The following MACROD2 variants were observed in gnomAD, a reference collection of about 807,000 sequenced individuals.
MACROD2 encodes mono-ADP ribosylhydrolase 2.
MACROD2 carries 36 observed loss-of-function variants against 70.4 expected under a neutral mutation model. That is an observed-to-expected ratio of 0.51 (90% CI 0.39 to 0.68). The LOEUF (loss-of-function observed/expected upper bound fraction) is 0.68, where lower values mean the gene tolerates loss of function less well. Ranked by LOEUF, MACROD2 falls within the 30% of genes least tolerant of loss-of-function variation. The pLI is 0.00. For synonymous variants in MACROD2, 172 were observed against 178.8 expected (o/e 0.96, Z 0.30); for missense variants, 496 against 538.4 (o/e 0.92, Z 0.78).
intron 5 of MACROD2, among the ~76,000 whole-genome samples, chr20:15,123,349 T>C (rs529124665): frequency 6.6e-6 from 1 of 152,258 alleles, no homozygotes; most frequent in South Asian, 2.1e-4. Context: ...CATCAACACT[T>C]GCCCAAGACC....
chr20:15,487,947 A>G (rs1415569752), intron 7 of MACROD2, among the ~76,000 whole-genome samples: 1 of 152,150 alleles, frequency 6.6e-6, no homozygotes, highest in Non-Finnish European at 1.5e-5. Flanking sequence ...CCTCTGGAGA[A>G]TCATGCACCT....
At position 16,031,213 on chromosome 20, in the gene MACROD2, CA is replaced by C. The variant is rs2067147250; in HGVS notation, c.1154-9984del. On this transcript the variant is annotated intron_variant, in intron 15 of 17. Transcript: ENST00000684519. ...ATTGGTAAAATATAAAAACAGATGA[CA>C]AAAGACAGGGAGGAGGAAGAAAAGA... Among the ~76,000 whole-genome samples the C allele has an allele frequency of 5.3e-5, 8 of 151,744 alleles. No individual in the cohort carries two copies. In the South Asian group the frequency reaches 1.2e-3, roughly 24 times the overall value.
At chr20:15,706,145 T>TTA (rs2146905785) in intron 8 of MACROD2, among the ~76,000 whole-genome samples, 1 of 152,358 alleles carries the variant, frequency 6.6e-6, no homozygotes, top group South Asian at 2.1e-4. Context: ...ATAAGGATAC[T>TTA]TATCTCGTTT....
intron 7 of MACROD2, among the ~76,000 whole-genome samples, chr20:15,467,854 C>T (rs1452388411): frequency 6.6e-6 from 1 of 152,144 alleles, no homozygotes; most frequent in Non-Finnish European, 1.5e-5. Context: ...CCTCTGAGAA[C>T]AGCAGACTGC....
intron 5 of MACROD2, among the ~76,000 whole-genome samples, chr20:14,937,680 T>A (rs1185608208): frequency 6.6e-6 from 1 of 152,178 alleles, no homozygotes; most frequent in Non-Finnish European, 1.5e-5. Flanking sequence ...GTCTTTTTAA[T>A]GCTAGAAACA....
Position 14,985,468 on chromosome 20 carries a change from G to A in MACROD2, c.419-244472G>A, listed in dbSNP as rs1044352006. ...GGCCTCCCTTTGATTCAAGCAGTGG[G>A]GTGTGTAGAGGAAGCTCTGCATCCA... is the stretch of plus-strand genomic sequence containing the variant. On this transcript the variant is annotated intron_variant, in intron 5 of 17. Coordinates refer to ENST00000684519, the MANE Select transcript of MACROD2 (RefSeq NM_001351661.2). Among the ~76,000 whole-genome samples, 3 of 152,074 alleles carry A rather than the reference G, an allele frequency of 2.0e-5. No homozygotes were observed. The South Asian group carries it at 6.2e-4, about 32-fold the overall frequency.
intron 8 of MACROD2, among the ~76,000 whole-genome samples, chr20:15,789,911 C>T (rs956374339): frequency 2.0e-5 from 3 of 151,804 alleles, no homozygotes; most frequent in Non-Finnish European, 2.9e-5. Flanking sequence ...AGATGAAACT[C>T]GTTGATGAAT....
Position 14,467,699 on chromosome 20 carries a change from T to C in MACROD2, c.272-25780T>C, listed in dbSNP as rs148336143. ...CCTTCTCTAGTTCTTTTAATAGTGA[T>C]GTTAGGATGTTGATTTTAGATCTTT... On this transcript the variant is annotated intron_variant, in intron 3 of 17. Transcript: ENST00000684519. Among the ~76,000 whole-genome samples, 806 of 152,198 alleles carry C rather than the reference T, an allele frequency of 5.3e-3. 19 individuals are homozygous for C. The highest frequency in any genetic ancestry group is 0.044 in the Admixed American group (671 of 15,286).
intron 3 of MACROD2, among the ~76,000 whole-genome samples, chr20:14,295,049 A>G (rs956417951): frequency 6.6e-6 from 1 of 151,728 alleles, no homozygotes; most frequent in Non-Finnish European, 1.5e-5. Context: ...TACCCATGCA[A>G]TTTCACCCTT....
chr20:14,323,775 C>G (rs1342112373), intron 3 of MACROD2: 1 of 152,122 alleles, frequency 6.6e-6, no homozygotes. Context: ...CACAGTATCA[C>G]AAATGCCAAC....
At chr20:14,069,344 G>C (rs1162872092) in intron 2 of MACROD2, among the ~76,000 whole-genome samples, 1 of 151,920 alleles carries the variant, frequency 6.6e-6, no homozygotes, top group Non-Finnish European at 1.5e-5. Context: ...CTGTAAAACG[G>C]AGATCTGAAA....
chr20:15,044,051 T>C (rs1342407569), intron 5 of MACROD2, among the ~76,000 whole-genome samples: 1 of 152,186 alleles, frequency 6.6e-6, no homozygotes, highest in Non-Finnish European at 1.5e-5. Flanking sequence ...TAGGCATGAT[T>C]GATTAAGTCA....
At chr20:14,537,874 C>T (rs2123224585) in intron 4 of MACROD2, among the ~76,000 whole-genome samples, 1 of 152,256 alleles carries the variant, frequency 6.6e-6, no homozygotes, top group Non-Finnish European at 1.5e-5. Context: ...ATACAGATGG[C>T]AGGAAGGAAA....
intron 8 of MACROD2, chr20:15,552,491 T>G (rs919504936): frequency 6.6e-6 from 1 of 152,272 alleles, no homozygotes; most frequent in African/African-American, 2.4e-5. Context: ...TAATGCTGTA[T>G]GTGAAGGTGT....
intron 7 of MACROD2, among the ~76,000 whole-genome samples, chr20:15,458,043 T>G (rs2046753225): frequency 6.6e-6 from 1 of 152,096 alleles, no homozygotes; most frequent in African/African-American, 2.4e-5. Flanking sequence ...GTAGGTATTT[T>G]TTAGTTCTGT....
chr20:14,389,068 C>T (rs1221448852), intron 3 of MACROD2, among the ~76,000 whole-genome samples: 5 of 151,632 alleles, frequency 3.3e-5, no homozygotes, highest in Middle Eastern at 3.2e-3. Context: ...TTAGTAGAGA[C>T]GGGGTTTCAC....
intron 8 of MACROD2, among the ~76,000 whole-genome samples, chr20:15,700,675 A>G (rs757444458): frequency 3.9e-5 from 6 of 152,196 alleles, no homozygotes; most frequent in Non-Finnish European, 7.3e-5. Flanking sequence ...GTCTTTTAAA[A>G]CAAGGCAGCT....
chr20:14,670,216 C>G (rs1457554876), intron 4 of MACROD2, among the ~76,000 whole-genome samples: 1 of 152,096 alleles, frequency 6.6e-6, no homozygotes, highest in Non-Finnish European at 1.5e-5. Context: ...GATGAATTTA[C>G]TCCTCATTCA....
At chr20:15,072,954 T>C (rs2075630093) in intron 5 of MACROD2, among the ~76,000 whole-genome samples, 1 of 152,104 alleles carries the variant, frequency 6.6e-6, no homozygotes, top group Non-Finnish European at 1.5e-5. Context: ...TGTCCTTATC[T>C]TATAAGTGGG....
Sources: gnomAD v4.1 joint callset for allele counts (sites outside exome capture counted in the v4.1 genomes callset) on GRCh38, gnomAD v4.1.1 for gene constraint, MANE v1.5 for transcripts, NCBI Gene and HGNC (gene_info 2026-07-23, HGNC 2026-07-21) for gene names.